The following DUSP19 variants were observed in gnomAD, a reference collection of about 807,000 sequenced individuals.
The protein encoded by DUSP19 is dual specificity protein phosphatase 19.
A neutral mutation model predicts 16.6 loss-of-function variants in DUSP19; 14 were observed. The ratio of observed to expected loss-of-function variants is 0.84; its 90% CI spans 0.56 to 1.32. The LOEUF (loss-of-function observed/expected upper bound fraction) is 1.32, where lower values mean the gene tolerates loss of function less well. DUSP19 is among the 40% of genes most tolerant of loss of function. The pLI is 0.00. For synonymous variants in DUSP19, 81 were observed against 90.5 expected (o/e 0.90, Z 0.59); for missense variants, 258 against 255.9 (o/e 1.01, Z -0.06).
Position 183,095,492 on chromosome 2 carries a change from G to C in DUSP19, c.488G>C (p.Gly163Ala). 6.2e-7 allele frequency: 1 copy of C among 1,613,686 alleles called. No homozygotes were observed. The highest frequency in any genetic ancestry group is 8.5e-7 in the Non-Finnish European group (1 of 1,179,904). ...TCCAGGGCTGCTGCAATTGTAATAG[G>C]TTTCCTGATGAATTCTGAACAAACC... ...GVSRAAAIVI[G>A]FLMNSEQTSF... Residue 163 changes from glycine to alanine, a missense_variant, in exon 4 of 4, where the codon GGT becomes GCT. Coordinates refer to ENST00000354221, the MANE Select transcript of DUSP19 (RefSeq NM_080876.4).
chr2:183,085,412 A>G (rs1699646460), intron 2 of DUSP19, among the ~76,000 whole-genome samples: 1 of 152,218 alleles, frequency 6.6e-6, no homozygotes, highest in South Asian at 2.1e-4. Context: ...TTTAAGGAGG[A>G]GAGAGTCAGC....
At chr2:183,089,008 T>C (rs982448570) in intron 3 of DUSP19, among the ~76,000 whole-genome samples, 6 of 152,188 alleles carry the variant, frequency 3.9e-5, no homozygotes, top group African/African-American at 1.4e-4. Context: ...AGATTGAATA[T>C]TCTAATAAGC....
chr2:183,095,055 A>G (rs983056163), intron 3 of DUSP19, among the ~76,000 whole-genome samples: 3 of 151,904 alleles, frequency 2.0e-5, no homozygotes, highest in African/African-American at 4.9e-5. Flanking sequence ...TTACTGATAC[A>G]TTTGACTACT....
At chr2:183,094,424 G>A (rs540777056) in intron 3 of DUSP19, among the ~76,000 whole-genome samples, 231 of 152,210 alleles carry the variant, frequency 1.5e-3, no homozygotes, top group African/African-American at 5.4e-3. Flanking sequence ...ATCAAGAAAT[G>A]AAGTAACTAA....
At chr2:183,088,766 G>T (rs1699696268) in intron 3 of DUSP19, among the ~76,000 whole-genome samples, 1 of 152,012 alleles carries the variant, frequency 6.6e-6, no homozygotes, top group Non-Finnish European at 1.5e-5. Context: ...TGGCCATTCT[G>T]TTTTCTTGTT....
intron 3 of DUSP19, among the ~76,000 whole-genome samples, chr2:183,095,223 G>A (rs894553870): frequency 6.6e-6 from 1 of 152,152 alleles, no homozygotes; most frequent in Non-Finnish European, 1.5e-5. Context: ...TAGTAGGTAA[G>A]GGAGGTACAG....
chr2:183,098,025 G>T lies in DUSP19; in HGVS notation c.*2367G>T. Reference sequence around the variant, plus strand: ...TCCTGTATCAGCCTCCCAAGTAGCTGGGATTATAGGCATGTGCCACCATGC... The same window carrying T: ...TCCTGTATCAGCCTCCCAAGTAGCTTGGATTATAGGCATGTGCCACCATGC... On this transcript the variant is annotated 3_prime_UTR_variant, in exon 4 of 4. Transcript: ENST00000354221. The T allele has an allele frequency of 6.6e-6, 1 of 152,316 alleles. No homozygotes were observed. 9.4% of individuals were successfully genotyped at this position (152,316 alleles called of 1,614,324 possible). A position where few individuals can be genotyped will look rare whatever the true frequency, so the allele number is the denominator to read the frequency against.
Position 183,087,117 on chromosome 2 carries a change from A to G in DUSP19, c.351A>G (p.Ile117Met). ...LSDFTYKSIS[I>M]LDLPETNILS... ...ACTTTACATATAAGAGCATTTCTAT[A>G]TTGGATCTGCCTGAAACCAACATCC... Residue 117 changes from isoleucine to methionine, a missense_variant, in exon 3 of 4, where the codon ATA (isoleucine) becomes ATG (methionine). By Grantham distance (10) the Ile-to-Met change is conservative (BLOSUM62 1). Transcript: ENST00000354221. The G allele has an allele frequency of 6.2e-7, 1 of 1,613,464 alleles. No homozygotes were observed. The highest frequency in any genetic ancestry group is 8.5e-7 in the Non-Finnish European group (1 of 1,179,862).
At chr2:183,089,470 A>T (rs774806479) in intron 3 of DUSP19, among the ~76,000 whole-genome samples, 15 of 152,202 alleles carry the variant, frequency 9.9e-5, no homozygotes, top group Non-Finnish European at 2.2e-4. Context: ...CTCTTTCAGC[A>T]GCCACCTCGA....
Position 183,078,803 on chromosome 2 carries a change from G to C in DUSP19, c.-131G>C. The C allele has an allele frequency of 1.3e-6, 1 of 753,296 alleles. No individual in the cohort carries two copies. The highest frequency in any genetic ancestry group is 2.7e-5 in the East Asian group (1 of 37,252). The allele number at this position is 753,296 out of a possible 1,614,324, so 46.7% of individuals were successfully genotyped here. A position where few individuals can be genotyped will look rare whatever the true frequency, so the allele number is the denominator to read the frequency against. ...CGACTCAGTCTCTTGGTCTGTGGCT[G>C]CTGCGGTTACCTGGATGGGCGAGCA... On this transcript the variant is annotated 5_prime_UTR_variant, in exon 1 of 4. Transcript: ENST00000354221.
intron 1 of DUSP19, among the ~76,000 whole-genome samples, chr2:183,083,196 A>G (rs1195032670): frequency 2.0e-5 from 3 of 152,162 alleles, no homozygotes; most frequent in African/African-American, 7.2e-5. Context: ...ATTTAATGCA[A>G]CAGCTATTAT....
At chr2:183,086,975 A>C in intron 2 of DUSP19, 65 bp from the exon 3 acceptor site, 1 of 1,497,880 alleles carries the variant, frequency 6.7e-7, no homozygotes, top group South Asian at 1.2e-5. Context: ...TCAACACCCC[A>C]GTCTCTTTTT....
In DUSP19 at chr2:183,084,636, G is replaced by T. The variant is rs544360827; in HGVS notation, c.273+1082G>T. 5.9e-5 allele frequency among the ~76,000 whole-genome samples: 9 copies of T among 152,248 alleles called. No individual in the cohort carries two copies. In the East Asian group the frequency reaches 1.7e-3, roughly 29 times the overall value. Reference sequence around the variant, plus strand: ...AAGGCCATGTAAGCCAAAGTTAGTTGTGTGGACTTGATCCAAAAGACTATG... The same window carrying T: ...AAGGCCATGTAAGCCAAAGTTAGTTTTGTGGACTTGATCCAAAAGACTATG... On this transcript the variant is annotated intron_variant, in intron 2 of 3. Transcript: ENST00000354221.
chr2:183,095,506 T>A lies in DUSP19; in HGVS notation c.502T>A (p.Ser168Thr). Residue 168 changes from serine to threonine, a missense_variant, in exon 4 of 4, where the codon TCT (serine) becomes ACT (threonine). By Grantham distance (58) the Ser-to-Thr change is moderately conservative (BLOSUM62 1). Transcript: ENST00000354221. ...AAIVIGFLMNSEQTSFTSAFS... is the reference protein window; with the variant it reads ...AAIVIGFLMNTEQTSFTSAFS... The stretch of plus-strand genomic sequence containing the variant: ...AATTGTAATAGGTTTCCTGATGAAT[T>A]CTGAACAAACCTCATTTACCAGTGC... The A allele has an allele frequency of 6.2e-7, 1 of 1,614,044 alleles. No individual in the cohort carries two copies. Among genetic ancestry groups the A allele is most frequent in the South Asian group, 1.1e-5 (1 of 91,078 alleles).
chr2:183,082,475 G>C (rs1291902883), intron 1 of DUSP19, among the ~76,000 whole-genome samples: 1 of 129,808 alleles, frequency 7.7e-6, no homozygotes, highest in Non-Finnish European at 1.5e-5. Context: ...CTAGGCTGGA[G>C]TGCAGTGGCA....
At position 183,079,123 on chromosome 2, in the gene DUSP19, C is replaced by A. The variant is rs747093442; in HGVS notation, c.190C>A (p.Leu64Met). 5.6e-6 allele frequency: 9 copies of A among 1,613,968 alleles called. No individual in the cohort carries two copies. In the South Asian group the frequency reaches 8.8e-5, roughly 16 times the overall value. ...TTATGTGCAGGACCTTAGCTCGGAC[C>A]TGCAAGTTGGCGTTATTAAGCCATG... ...CGYVQDLSSD[L>M]QVGVIKPWLL... The change falls in exon 1 of 4, where the codon CTG becomes ATG. Residue 64 changes from leucine to methionine, a missense_variant. Coordinates refer to ENST00000354221, the MANE Select transcript of DUSP19 (RefSeq NM_080876.4).
rs1699558951 is a variant in DUSP19 at position 183,079,118 on chromosome 2, C to T, written c.185C>T (p.Ser62Leu). 1 of 1,613,902 alleles carries T rather than the reference C, an allele frequency of 6.2e-7. No homozygotes were observed. Among genetic ancestry groups the T allele is most frequent in the Non-Finnish European group, 8.5e-7 (1 of 1,179,944 alleles). Reference protein sequence around the residue: ...GGCGYVQDLSSDLQVGVIKPW... With the variant: ...GGCGYVQDLSLDLQVGVIKPW... ...TGTGGTTATGTGCAGGACCTTAGCT[C>T]GGACCTGCAAGTTGGCGTTATTAAG... Residue 62 changes from serine (S) to leucine (L), a missense_variant, in exon 1 of 4, where the codon TCG becomes TTG. Ser to Leu is a moderately radical substitution (Grantham distance 145). Transcript: ENST00000354221.
In DUSP19 at chr2:183,088,713, G is replaced by A. The variant is rs115515627; in HGVS notation, c.426+1521G>A. ...GCTAGGATTACAGGCATGAGCCACT[G>A]CACCTGGCCAAGGGAGAGGTTTTTT... is the stretch of plus-strand genomic sequence containing the variant. On this transcript the variant is annotated intron_variant, in intron 3 of 3. Transcript: ENST00000354221. 7.9e-3 allele frequency among the ~76,000 whole-genome samples: 1,197 copies of A among 152,268 alleles called. 14 individuals carry two copies. Among genetic ancestry groups the A allele is most frequent in the African/African-American group, 0.028 (1,149 of 41,560 alleles).
chr2:183,095,716 C>A lies in DUSP19; in HGVS notation c.*58C>A. On this transcript the variant is annotated 3_prime_UTR_variant, in exon 4 of 4. Transcript: ENST00000354221. The stretch of plus-strand genomic sequence containing the variant: ...TTTCTGAATTGACTTCTATAGCCAT[C>A]TTTTCCCTTTTTTGGAGAGTAGACT... 7.2e-7 allele frequency: 1 copy of A among 1,397,790 alleles called. No homozygotes were observed. 86.6% of individuals were successfully genotyped at this position (1,397,790 alleles called of 1,614,324 possible).
Sources: gnomAD v4.1 joint callset for allele counts (sites outside exome capture counted in the v4.1 genomes callset) on GRCh38, gnomAD v4.1.1 for gene constraint, MANE v1.5 for transcripts, NCBI Gene and HGNC (gene_info 2026-07-23, HGNC 2026-07-21) for gene names.